The following WNT3A variants were observed in gnomAD, a reference collection of about 807,000 sequenced individuals.
WNT3A encodes the protein Wnt family member 3A, also known as protein Wnt-3a.
WNT3A carries 17 observed loss-of-function variants against 37.0 expected under a neutral mutation model. The observed-to-expected ratio is 0.46, with a 90% confidence interval of 0.31 to 0.69. The LOEUF (loss-of-function observed/expected upper bound fraction) is 0.69. Among genes scored for constraint, WNT3A ranks in the 30% least tolerant of loss-of-function variants. The pLI, the probability that WNT3A is intolerant of heterozygous loss-of-function variation, is 0.05. For synonymous variants in WNT3A, 187 were observed against 211.0 expected (o/e 0.89, Z 0.99); for missense variants, 411 against 510.2 (o/e 0.81, Z 1.87).
In WNT3A at chr1:228,059,973, GT is replaced by G; in HGVS notation, c.*509del. On this transcript the variant is annotated 3_prime_UTR_variant, in exon 4 of 4. Coordinates refer to ENST00000284523, the MANE Select transcript of WNT3A (RefSeq NM_033131.4). ...CTGAGGGCGGAGCGCCTCCTTAGGA[GT>G]GGGGTTTTATGGTGGATGAGGCTTC... 1 of 1,132,820 alleles carries G rather than the reference GT, an allele frequency of 8.8e-7. No homozygotes were observed. Among genetic ancestry groups the G allele is most frequent in the Non-Finnish European group, 1.1e-6 (1 of 911,154 alleles). 70.2% of individuals were successfully genotyped at this position (1,132,820 alleles called of 1,614,324 possible).
In WNT3A at chr1:228,059,120, C is replaced by G. The variant is rs776557653; in HGVS notation, c.714C>G (p.Ala238=). Residue 238 remains alanine, a synonymous_variant, in exon 4 of 4, where the codon GCC becomes GCG. Transcript: ENST00000284523. ...TCCTCAAGGACAAGTACGACAGCGC[C>G]TCGGAGATGGTGGTGGAGAAGCACC... ...GDFLKDKYDS[A]SEMVVEKHRE... The G allele has an allele frequency of 2.5e-6, 4 of 1,613,764 alleles. No individual in the cohort carries two copies. The highest frequency in any genetic ancestry group is 3.4e-6 in the Non-Finnish European group (4 of 1,179,998).
chr1:228,040,103 C>G (rs1035454923), intron 2 of WNT3A, among the ~76,000 whole-genome samples: 9 of 152,168 alleles, frequency 5.9e-5, no homozygotes, highest in African/African-American at 1.7e-4. Context: ...GCTCCCTGCT[C>G]CCTTGAGGCT....
chr1:228,029,488 T>C (rs2030945231), intron 2 of WNT3A, among the ~76,000 whole-genome samples: 2 of 152,156 alleles, frequency 1.3e-5, no homozygotes, highest in Admixed American at 6.5e-5. Flanking sequence ...GAAGGAAGGC[T>C]ACTCAGACAA....
rs1399546659 is a variant in WNT3A at position 228,007,783 on chromosome 1, C to T, written c.71+584C>T. Among the ~76,000 whole-genome samples the T allele has an allele frequency of 6.6e-6, 1 of 152,190 alleles. No individual in the cohort carries two copies. The highest frequency in any genetic ancestry group is 6.5e-5 in the Admixed American group (1 of 15,294). Reference sequence around the variant, plus strand: ...CCCTGGGCCCCGCGCGCCTCCCCGCCGCAGTCCGGGCACGGGGGTTTCCAG... The same window carrying T: ...CCCTGGGCCCCGCGCGCCTCCCCGCTGCAGTCCGGGCACGGGGGTTTCCAG... On this transcript the variant is annotated intron_variant, in intron 1 of 3. Coordinates refer to ENST00000284523, the MANE Select transcript of WNT3A (RefSeq NM_033131.4). The surrounding 1 kb of genome is among the most constrained non-coding windows in gnomAD (Gnocchi z 6.0).
At chr1:228,040,991 ATAT>A (rs2031270664) in intron 2 of WNT3A, among the ~76,000 whole-genome samples, 2 of 145,248 alleles carry the variant, frequency 1.4e-5, no homozygotes, top group African/African-American at 5.1e-5. Flanking sequence ...ATATATATAT[ATAT>A]AATATCTACT....
At position 228,038,997 on chromosome 1, in the gene WNT3A, A is replaced by T. The variant is rs2031210466; in HGVS notation, c.314-11659A>T. 6.6e-6 allele frequency among the ~76,000 whole-genome samples: 1 copy of T among 152,146 alleles called. No individual in the cohort carries two copies. Among genetic ancestry groups the T allele is most frequent in the Non-Finnish European group, 1.5e-5 (1 of 68,000 alleles). On this transcript the variant is annotated intron_variant, in intron 2 of 3. Coordinates refer to ENST00000284523, the MANE Select transcript of WNT3A (RefSeq NM_033131.4). The surrounding 1 kb of genome is among the most constrained non-coding windows in gnomAD (Gnocchi z 5.7). ...ATTCAGCAGAGTTTTTCTCCTGGGC[A>T]GTGGGCAATGTTGGGAGTCTGGGCC...
At chr1:228,034,931 T>G (rs561093874) in intron 2 of WNT3A, among the ~76,000 whole-genome samples, 27 of 152,214 alleles carry the variant, frequency 1.8e-4, no homozygotes, top group Middle Eastern at 6.8e-3. Context: ...CTGGGACCCT[T>G]GGGGGTCTCC....
At chr1:228,047,644 T>TA (rs2031455433) in intron 2 of WNT3A, among the ~76,000 whole-genome samples, 2 of 152,078 alleles carry the variant, frequency 1.3e-5, no homozygotes, top group African/African-American at 4.8e-5. Context: ...GGCTGGTAAT[T>TA]TATAAGAAAA....
At chr1:228,055,317 C>T (rs1006379313) in intron 3 of WNT3A, among the ~76,000 whole-genome samples, 7 of 146,402 alleles carry the variant, frequency 4.8e-5, no homozygotes, top group Admixed American at 4.8e-4. Flanking sequence ...TGAACACTTC[C>T]GTCTGCACTC....
At chr1:228,019,541 G>A (rs1288741518) in intron 1 of WNT3A, among the ~76,000 whole-genome samples, 14 of 152,130 alleles carry the variant, frequency 9.2e-5, no homozygotes, top group Non-Finnish European at 1.6e-4. Flanking sequence ...CTGGGTACCC[G>A]GCCCTTCTCA....
intron 2 of WNT3A, among the ~76,000 whole-genome samples, chr1:228,025,052 T>C (rs965836598): frequency 2.6e-5 from 4 of 152,242 alleles, no homozygotes; most frequent in Admixed American, 6.5e-5. Context: ...CTTTGTGGTA[T>C]GTTTTGAAAC....
intron 3 of WNT3A, among the ~76,000 whole-genome samples, chr1:228,055,797 C>T (rs959824538): frequency 2.0e-5 from 3 of 152,126 alleles, no homozygotes; most frequent in African/African-American, 7.2e-5. Flanking sequence ...CTTTATAGCC[C>T]ACTCACTCCA....
At chr1:228,009,482 C>G (rs2030308308) in intron 1 of WNT3A, among the ~76,000 whole-genome samples, 1 of 152,190 alleles carries the variant, frequency 6.6e-6, no homozygotes, top group African/African-American at 2.4e-5. Context: ...CTCCCCGCAT[C>G]CACCCCAGAT....
In WNT3A at chr1:228,031,914, C is replaced by G. The variant is rs773916479; in HGVS notation, c.313+9006C>G. ...GGGGTGCTTAGGGCTGCCACTCCCC[C>G]TCTGAGAAGGAAGCAGCGATTTTAG... On this transcript the variant is annotated intron_variant, in intron 2 of 3. Coordinates refer to ENST00000284523, the MANE Select transcript of WNT3A (RefSeq NM_033131.4). The surrounding 1 kb of genome is among the most constrained non-coding windows in gnomAD (Gnocchi z 4.8). Among the ~76,000 whole-genome samples, 107 of 152,166 alleles carry G rather than the reference C, an allele frequency of 7.0e-4. No individual in the cohort carries two copies. Among genetic ancestry groups the G allele is most frequent in the Non-Finnish European group, 1.4e-3 (94 of 68,032 alleles).
rs41270175 is a variant in WNT3A at position 228,060,660 on chromosome 1, C to A, written c.*1195C>A. Reference sequence around the variant, plus strand: ...TCTCTGCTCTGCTCAGCTGCGCCCCCTTCTTTGCAGCTGCCCAGCCCCTCC... The same window carrying A: ...TCTCTGCTCTGCTCAGCTGCGCCCCATTCTTTGCAGCTGCCCAGCCCCTCC... On this transcript the variant is annotated 3_prime_UTR_variant, in exon 4 of 4. Transcript: ENST00000284523. 0.089 allele frequency: 15,141 copies of A among 170,458 alleles called. 779 individuals carry two copies. Among genetic ancestry groups the A allele is most frequent in the East Asian group, 0.19 (1,090 of 5,706 alleles). The allele number at this position is 170,458 out of a possible 1,614,324, so 10.6% of individuals were successfully genotyped here.
At chr1:228,020,904 G>A (rs2030685547) in intron 1 of WNT3A, among the ~76,000 whole-genome samples, 1 of 152,138 alleles carries the variant, frequency 6.6e-6, no homozygotes, top group Non-Finnish European at 1.5e-5. Context: ...CTGAACACTG[G>A]GAGTCCGGTC....
chr1:228,038,629 AG>A lies in WNT3A; in HGVS notation c.314-12024del, dbSNP rs1262387609. Among the ~76,000 whole-genome samples, 3 of 152,120 alleles carry A rather than the reference AG, an allele frequency of 2.0e-5. No individual in the cohort carries two copies. Among genetic ancestry groups the A allele is most frequent in the African/African-American group, 2.4e-5 (1 of 41,424 alleles). On this transcript the variant is annotated intron_variant, in intron 2 of 3. Transcript: ENST00000284523. The surrounding 1 kb of genome is among the most constrained non-coding windows in gnomAD (Gnocchi z 5.7). ...GGCAGGAGATGGGGGCAGCACCAGGAGGGAGGGACCCAATGCATTCGGGGTG... is the reference window on the plus strand; with the variant it reads ...GGCAGGAGATGGGGGCAGCACCAGGAGGAGGGACCCAATGCATTCGGGGTG...
rs762007827 is a variant in WNT3A, at chr1:228,060,209, G to A, written c.*744G>A. On this transcript the variant is annotated 3_prime_UTR_variant, in exon 4 of 4. Transcript: ENST00000284523. ...AAGGCGTGGCTTCTGCAGGAATCCC[G>A]GCTCCAGAGCAGGAAATTCAGCCCA... 3.7e-6 allele frequency: 5 copies of A among 1,351,618 alleles called. No homozygotes were observed. Among genetic ancestry groups the A allele is most frequent in the East Asian group, 4.5e-5 (1 of 21,984 alleles). 83.7% of individuals were successfully genotyped at this position (1,351,618 alleles called of 1,614,324 possible).
Position 228,059,888 on chromosome 1 carries a change from G to A in WNT3A, c.*423G>A, listed in dbSNP as rs1393355978. 4 of 1,051,192 alleles carry A rather than the reference G, an allele frequency of 3.8e-6. No homozygotes were observed. The highest frequency in any genetic ancestry group is 4.6e-6 in the Non-Finnish European group (4 of 870,356). The allele number at this position is 1,051,192 out of a possible 1,614,324, so 65.1% of individuals were successfully genotyped here. On this transcript the variant is annotated 3_prime_UTR_variant, in exon 4 of 4. Coordinates refer to ENST00000284523, the MANE Select transcript of WNT3A (RefSeq NM_033131.4). ...TAGGTAGGCTTCTACCTGCAGGCGG[G>A]GCTCCTCCTGAAGGAGGCGGGGCTC...
Sources: gnomAD v4.1 joint callset for allele counts (sites outside exome capture counted in the v4.1 genomes callset) on GRCh38, gnomAD v4.1.1 for gene constraint, Gnocchi (gnomAD v3.1) non-coding constraint, MANE v1.5 for transcripts, NCBI Gene and HGNC (gene_info 2026-07-23, HGNC 2026-07-21) for gene names.